The following SYT2 variants were observed in gnomAD, a reference collection of about 807,000 sequenced individuals.
SYT2 encodes the protein synaptotagmin 2, also known as synaptotagmin-2.
A neutral mutation model predicts 39.9 loss-of-function variants in SYT2; 15 were observed. The ratio of observed to expected loss-of-function variants is 0.38; its 90% CI spans 0.25 to 0.58. The LOEUF (loss-of-function observed/expected upper bound fraction) is 0.58, where lower values mean the gene tolerates loss of function less well. Ranked by LOEUF, SYT2 falls within the 20% of genes least tolerant of loss-of-function variation. The pLI, the probability that SYT2 is intolerant of heterozygous loss-of-function variation, is 0.70. For missense variants in SYT2, 389 were observed against 530.3 expected (o/e 0.73, Z 2.62); for synonymous variants, 181 against 204.5 (o/e 0.89, Z 0.98).
At chr1:202,700,248 G>A (rs979034533) in intron 1 of SYT2, among the ~76,000 whole-genome samples, 1 of 152,124 alleles carries the variant, frequency 6.6e-6, no homozygotes, top group East Asian at 1.9e-4. Context: ...TCTGTTCCAT[G>A]CAGCCTGCCC....
rs575638543 is a variant in SYT2 at position 202,709,564 on chromosome 1, G to A, written c.-18+694C>T. On this transcript the variant is annotated intron_variant, in intron 1 of 8. Coordinates refer to ENST00000367268, the MANE Select transcript of SYT2 (RefSeq NM_177402.5). ...GGGCTGTCAGCACCCGCCAGGCTGC[G>A]AGCCTAGCCCTTGGGGACAGAGCTG... is the stretch of plus-strand genomic sequence containing the variant. 4.6e-5 allele frequency among the ~76,000 whole-genome samples: 7 copies of A among 152,332 alleles called. No homozygotes were observed. The East Asian group carries it at 1.4e-3, about 29-fold the overall frequency.
At chr1:202,610,020 G>A (rs1335250819) in intron 1 of SYT2, among the ~76,000 whole-genome samples, 1 of 152,184 alleles carries the variant, frequency 6.6e-6, no homozygotes, top group African/African-American at 2.4e-5. Flanking sequence ...ATGGTTTTAG[G>A]TCTAACATTT....
chr1:202,597,564 G>A (rs1400007094), intron 8 of SYT2, among the ~76,000 whole-genome samples: 2 of 152,210 alleles, frequency 1.3e-5, no homozygotes, highest in African/African-American at 4.8e-5. Context: ...GAGAAGCAGT[G>A]AGGCAGGAAA....
At chr1:202,616,798 T>C (rs1177034825) in intron 1 of SYT2, among the ~76,000 whole-genome samples, 1 of 152,204 alleles carries the variant, frequency 6.6e-6, no homozygotes, top group Admixed American at 6.5e-5. Context: ...TCAGCCATGG[T>C]GTCTCCCTGC....
chr1:202,607,899 A>T (rs147734003), intron 1 of SYT2, among the ~76,000 whole-genome samples: 2,181 of 152,178 alleles, frequency 0.014, 46 homozygotes, highest in African/African-American at 0.05. Flanking sequence ...TTTAAAAAAC[A>T]GCTTTATTGA....
intron 1 of SYT2, among the ~76,000 whole-genome samples, chr1:202,670,723 T>G (rs542659798): frequency 6.6e-6 from 1 of 152,198 alleles, no homozygotes; most frequent in African/African-American, 2.4e-5. Context: ...CACCTAATGT[T>G]TGAAAGCAGC....
chr1:202,640,249 ACCCCG>A (rs1296904024), intron 1 of SYT2, among the ~76,000 whole-genome samples: 4 of 53,954 alleles, frequency 7.4e-5, no homozygotes, highest in African/African-American at 3.1e-4. Flanking sequence ...ACCCCACCCC[ACCCCG>A]CCCCACCCAG....
chr1:202,645,427 G>A (rs1692060275), intron 1 of SYT2, among the ~76,000 whole-genome samples: 1 of 152,162 alleles, frequency 6.6e-6, no homozygotes. Context: ...CATTCAGCAG[G>A]CTGGATTCAG....
chr1:202,706,464 G>A (rs1487204790), intron 1 of SYT2, among the ~76,000 whole-genome samples: 1 of 152,102 alleles, frequency 6.6e-6, no homozygotes, highest in Non-Finnish European at 1.5e-5. Flanking sequence ...CGCTTTACAG[G>A]AATTAACCCA....
At chr1:202,620,690 TCA>T (rs1478863904) in intron 1 of SYT2, among the ~76,000 whole-genome samples, 1 of 151,954 alleles carries the variant, frequency 6.6e-6, no homozygotes, top group Non-Finnish European at 1.5e-5. Flanking sequence ...CCAGATATGC[TCA>T]GAGCTCAGCC....
intron 1 of SYT2, among the ~76,000 whole-genome samples, chr1:202,685,159 C>T (rs1326132326): frequency 6.6e-6 from 1 of 152,168 alleles, no homozygotes; most frequent in Non-Finnish European, 1.5e-5. Context: ...AGTGCATTTC[C>T]TCCTAAGGAG....
chr1:202,602,178 G>T, intron 5 of SYT2, 121 bp from the exon 6 acceptor site: 1 of 723,824 alleles, frequency 1.4e-6, no homozygotes, highest in Non-Finnish European at 2.1e-6. Context: ...GACAGACAAA[G>T]ACCAAGGCTT....
intron 1 of SYT2, among the ~76,000 whole-genome samples, chr1:202,622,652 G>C (rs369050695): frequency 1.3e-5 from 2 of 152,124 alleles, no homozygotes; most frequent in African/African-American, 4.8e-5. Context: ...GCCTCCCTGC[G>C]CTTGTGCAGC....
At chr1:202,702,240 C>A (rs1362316875) in intron 1 of SYT2, among the ~76,000 whole-genome samples, 1 of 152,220 alleles carries the variant, frequency 6.6e-6, no homozygotes, top group South Asian at 2.1e-4. Context: ...TTGCCAATGG[C>A]AGGCTCAGTT....
In SYT2 at chr1:202,691,681, G is replaced by A. The variant is rs113605572; in HGVS notation, c.-18+18577C>T. Among the ~76,000 whole-genome samples the A allele has an allele frequency of 9.0e-3, 763 of 84,966 alleles. 11 individuals carry two copies. The highest frequency in any genetic ancestry group is 0.038 in the African/African-American group (719 of 18,676). The allele number at this position is 84,966 out of a possible 152,430, so 55.7% of individuals were successfully genotyped here. ...GGAGGGAGCGAGAGGGGGAGGGAGC[G>A]AGGGGGAGAGGGAGAGGGAGAGGGA... On this transcript the variant is annotated intron_variant, in intron 1 of 8. Coordinates refer to ENST00000367268, the MANE Select transcript of SYT2 (RefSeq NM_177402.5).
chr1:202,608,516 A>G (rs976270781), intron 1 of SYT2, among the ~76,000 whole-genome samples: 6 of 151,968 alleles, frequency 3.9e-5, no homozygotes, highest in African/African-American at 7.3e-5. Context: ...GCCTCAAGCA[A>G]TCCTCCCACT....
At chr1:202,651,071 C>T (rs1197848130) in intron 1 of SYT2, among the ~76,000 whole-genome samples, 1 of 152,058 alleles carries the variant, frequency 6.6e-6, no homozygotes, top group African/African-American at 2.4e-5. Flanking sequence ...TCTGCCCACA[C>T]AGGCAACGGG....
Position 202,602,518 on chromosome 1 carries a change from C to A in SYT2, c.493G>T (p.Glu165Ter). Residue 165 changes from glutamate to a stop codon, truncating the protein, a stop_gained, in exon 5 of 9, where the codon GAA becomes TAA. Transcript: ENST00000367268. LOFTEE classifies it high-confidence loss of function. Reference sequence around the variant, plus strand: ...CCTCCCATGTCCAGGGCAGGCAGTTCAGCAGCCTGCAGAACGCCCACAGTA... The same window carrying A: ...CCTCCCATGTCCAGGGCAGGCAGTTAAGCAGCCTGCAGAACGCCCACAGTA... ...QLTVGVLQAA[E>*]LPALDMGGTS... 6.2e-7 allele frequency: 1 copy of A among 1,613,474 alleles called. No individual in the cohort carries two copies.
At chr1:202,668,369 T>A (rs906770622) in intron 1 of SYT2, among the ~76,000 whole-genome samples, 1 of 152,240 alleles carries the variant, frequency 6.6e-6, no homozygotes, top group Non-Finnish European at 1.5e-5. Flanking sequence ...GTGAAAGTGC[T>A]TTATAAAGTT....
Sources: allele counts gnomAD v4.1 joint callset (sites outside exome capture counted in the v4.1 genomes callset), GRCh38; gene constraint gnomAD v4.1.1; transcripts MANE v1.5; gene names NCBI Gene and HGNC (gene_info 2026-07-23, HGNC 2026-07-21).